Variants in FREM1 observed in about 807,000 individuals in gnomAD.
FREM1 encodes FRAS1 related extracellular matrix 1.
In FREM1, 220 loss-of-function variants were observed where a neutral mutation model predicts 210.1. The ratio of observed to expected loss-of-function variants is 1.05; its 90% CI spans 0.94 to 1.17. The LOEUF (loss-of-function observed/expected upper bound fraction) is 1.17, where lower values mean the gene tolerates loss of function less well. Among genes scored for constraint, FREM1 ranks in the 50% most tolerant of loss-of-function variants. The pLI is 0.00. For missense variants in FREM1, 3,454 were observed against 2,675.5 expected, an observed-to-expected ratio of 1.29 and a Z score of -6.42; for synonymous variants, 1,189 against 980.2, an observed-to-expected ratio of 1.21 and a Z score of -3.98.
chr9:14,896,153 C>T (rs1465272117), intron 1 of FREM1, among the ~76,000 whole-genome samples: 2 of 152,088 alleles, frequency 1.3e-5, no homozygotes, highest in Non-Finnish European at 2.9e-5. Flanking sequence ...TAAAAGTGAC[C>T]TCTGATCGTC....
At chr9:14,860,918 C>CGT (rs1830093688) in intron 3 of FREM1, among the ~76,000 whole-genome samples, 1 of 54,162 alleles carries the variant, frequency 1.8e-5, no homozygotes, top group African/African-American at 1.1e-4. Context: ...TACACATATA[C>CGT]ACATATATAC....
At chr9:14,820,960 A>G (rs1821190161) in intron 13 of FREM1, among the ~76,000 whole-genome samples, 2 of 152,194 alleles carry the variant, frequency 1.3e-5, no homozygotes, top group African/African-American at 4.8e-5. Context: ...TGTTTCAAGG[A>G]ATATGCTTTG....
intron 1 of FREM1, among the ~76,000 whole-genome samples, chr9:14,887,234 T>A (rs911059177): frequency 1.2e-4 from 18 of 152,316 alleles, no homozygotes; most frequent in African/African-American, 4.3e-4. Context: ...TTATCAAGAC[T>A]TCAGAGCCAT....
chr9:14,756,261 T>C, intron 29 of FREM1, 113 bp downstream of exon 29: 1 of 755,658 alleles, frequency 1.3e-6, no homozygotes, highest in Non-Finnish European at 2.2e-6. Context: ...CCTGAGGAGT[T>C]TCTAGTTGGC....
intron 19 of FREM1, among the ~76,000 whole-genome samples, chr9:14,803,276 T>C (rs1175629111): frequency 1.4e-5 from 2 of 145,930 alleles, no homozygotes; most frequent in Non-Finnish European, 3.0e-5. Context: ...TTTCCCTCCC[T>C]CCCTTTTTTC....
intron 13 of FREM1, among the ~76,000 whole-genome samples, chr9:14,821,725 G>A (rs1196179564): frequency 6.6e-6 from 1 of 152,212 alleles, no homozygotes. Context: ...ATAGAAATAA[G>A]TGTGGTGAGT....
At chr9:14,887,189 T>C (rs1187994109) in intron 1 of FREM1, among the ~76,000 whole-genome samples, 1 of 152,216 alleles carries the variant, frequency 6.6e-6, no homozygotes, top group Non-Finnish European at 1.5e-5. Flanking sequence ...CTCTTCTTTG[T>C]GTTTTAATTG....
chr9:14,906,248 G>A (rs1817677616), intron 1 of FREM1, among the ~76,000 whole-genome samples: 1 of 152,146 alleles, frequency 6.6e-6, no homozygotes, highest in African/African-American at 2.4e-5. Context: ...AAAGAACATT[G>A]TAGCCTATGA....
chr9:14,825,010 G>A lies in FREM1; in HGVS notation c.1882-18C>T. 2.6e-6 allele frequency: 4 copies of A among 1,540,248 alleles called. No individual in the cohort carries two copies. The South Asian group carries it at 5.1e-5, about 20-fold the overall frequency. ...GTTGCCACCTGGAATAAAAATGTCT[G>A]TACCATTAATTTGAAATACCAAAAA... On this transcript the variant is annotated intron_variant, in intron 10 of 36. Transcript: ENST00000380880.
At chr9:14,861,949 T>C (rs970126424) in intron 3 of FREM1, among the ~76,000 whole-genome samples, 4 of 152,230 alleles carry the variant, frequency 2.6e-5, no homozygotes, top group East Asian at 1.9e-4. Flanking sequence ...TTTGTACTCA[T>C]TAACCATCCC....
chr9:14,855,222 A>T (rs1201373213), intron 5 of FREM1, among the ~76,000 whole-genome samples: 1 of 152,126 alleles, frequency 6.6e-6, no homozygotes, highest in Non-Finnish European at 1.5e-5. Context: ...TCTAAGAAAT[A>T]AAAGAGCTAG....
Position 14,784,475 on chromosome 9 carries a change from T to A in FREM1, c.4337A>T (p.His1446Leu). 6.2e-7 allele frequency: 1 copy of A among 1,613,888 alleles called. No homozygotes were observed. The highest frequency in any genetic ancestry group is 8.5e-7 in the Non-Finnish European group (1 of 1,179,848). Reference sequence around the variant, plus strand: ...GTTTGTAATGGGAACTCCAGGATAGTGAACATATTCGATCTGGCCATATCG... The same window carrying A: ...GTTTGTAATGGGAACTCCAGGATAGAGAACATATTCGATCTGGCCATATCG... Reference protein sequence around the residue: ...PPRYGQIEYVHYPGVPITNFS... With the variant: ...PPRYGQIEYVLYPGVPITNFS... The change falls in exon 24 of 37, where the codon CAC becomes CTC. Residue 1446 changes from histidine to leucine, a missense_variant. Coordinates refer to ENST00000380880, the MANE Select transcript of FREM1 (RefSeq NM_001379081.2).
chr9:14,787,085 C>T (rs905178645), intron 23 of FREM1, among the ~76,000 whole-genome samples: 6 of 152,144 alleles, frequency 3.9e-5, no homozygotes, highest in Non-Finnish European at 7.3e-5. Context: ...AATCAGAAAA[C>T]ACAGCAACAC....
At chr9:14,827,296 G>A (rs971534494) in intron 10 of FREM1, among the ~76,000 whole-genome samples, 1 of 152,186 alleles carries the variant, frequency 6.6e-6, no homozygotes, top group Non-Finnish European at 1.5e-5. Context: ...TATCTTATTG[G>A]AAACTGGAAG....
chr9:14,876,334 G>C (rs1266084126), intron 1 of FREM1, among the ~76,000 whole-genome samples: 1 of 152,184 alleles, frequency 6.6e-6, no homozygotes, highest in Non-Finnish European at 1.5e-5. Context: ...GCTCCACGCA[G>C]TTCGAGCTTC....
intron 8 of FREM1, among the ~76,000 whole-genome samples, chr9:14,843,936 A>G (rs1014249879): frequency 3.3e-5 from 5 of 152,218 alleles, no homozygotes; most frequent in Admixed American, 1.3e-4. Context: ...GCCATTTTCT[A>G]GGTGTGCAAC....
At chr9:14,885,044 C>G (rs984613947) in intron 1 of FREM1, among the ~76,000 whole-genome samples, 4 of 141,194 alleles carry the variant, frequency 2.8e-5, no homozygotes, top group Middle Eastern at 3.5e-3. Context: ...CCTGCCTCAG[C>G]CCCCCGAGTG....
intron 29 of FREM1, among the ~76,000 whole-genome samples, chr9:14,752,917 C>G (rs1030721226): frequency 2.0e-5 from 3 of 152,042 alleles, no homozygotes; most frequent in Non-Finnish European, 4.4e-5. Flanking sequence ...CGGAGTAGAA[C>G]CAGATGGTTA....
chr9:14,883,201 A>T (rs1835131125), intron 1 of FREM1, among the ~76,000 whole-genome samples: 1 of 152,140 alleles, frequency 6.6e-6, no homozygotes, highest in Admixed American at 6.5e-5. Context: ...CTTACAACAG[A>T]ATACATATTA....
Sources: allele counts gnomAD v4.1 joint callset (sites outside exome capture counted in the v4.1 genomes callset), GRCh38; gene constraint gnomAD v4.1.1; transcripts MANE v1.5; gene names NCBI Gene and HGNC (gene_info 2026-07-23, HGNC 2026-07-21).